The following TMEM123 variants were observed in gnomAD, a reference collection of about 807,000 sequenced individuals.
TMEM123 encodes the protein transmembrane protein 123, also known as porimin.
Under a neutral mutation model 19.7 loss-of-function variants are expected in TMEM123, and 16 were observed. That is an observed-to-expected ratio of 0.81 (90% CI 0.55 to 1.23). The LOEUF is 1.23. Ranked by LOEUF, TMEM123 falls within the 50% of genes most tolerant of loss-of-function variation. The pLI is 0.00. For synonymous variants in TMEM123, 118 were observed against 99.4 expected (o/e 1.19, Z -1.12); for missense variants, 313 against 257.8 (o/e 1.21, Z -1.47).
At chr11:102,422,856 T>C (rs1397361826) in intron 2 of TMEM123, among the ~76,000 whole-genome samples, 1 of 152,260 alleles carries the variant, frequency 6.6e-6, no homozygotes, top group Non-Finnish European at 1.5e-5. Context: ...AGATGTTTTA[T>C]GTTTCCATGA....
At chr11:102,423,789 CAG>C (rs1355523855) in intron 2 of TMEM123, among the ~76,000 whole-genome samples, 4 of 152,098 alleles carry the variant, frequency 2.6e-5, no homozygotes, top group East Asian at 1.9e-4. Flanking sequence ...CACCAGCTAA[CAG>C]TGATTATTTC....
chr11:102,403,686 C>G (rs772532234), intron 2 of TMEM123, among the ~76,000 whole-genome samples: 1 of 152,130 alleles, frequency 6.6e-6, no homozygotes, highest in Non-Finnish European at 1.5e-5. Flanking sequence ...TCCAATGTGG[C>G]GGTCTTGGGA....
intron 1 of TMEM123, chr11:102,451,160 C>A: frequency 6.6e-6 from 1 of 152,168 alleles, no homozygotes; most frequent in East Asian, 1.9e-4. Context: ...CAAAAAAAAT[C>A]TGTGTTATCA....
intron 2 of TMEM123, among the ~76,000 whole-genome samples, chr11:102,443,110 G>C (rs970355182): frequency 2.0e-5 from 3 of 151,968 alleles, no homozygotes; most frequent in Non-Finnish European, 2.9e-5. Flanking sequence ...TCGTGAAAAT[G>C]GCCATACTGC....
At chr11:102,452,454 C>T in intron 1 of TMEM123, 70 bp downstream of exon 1, 1 of 1,312,822 alleles carries the variant, frequency 7.6e-7, no homozygotes. Flanking sequence ...CAGAGCCCAA[C>T]TTGGGAACCC....
At chr11:102,418,146 C>T (rs1437701465) in intron 2 of TMEM123, among the ~76,000 whole-genome samples, 2 of 151,328 alleles carry the variant, frequency 1.3e-5, no homozygotes, top group Non-Finnish European at 2.9e-5. Context: ...GCTTTCATGA[C>T]AGAGACACCA....
intron 2 of TMEM123, among the ~76,000 whole-genome samples, chr11:102,411,174 G>A (rs1302606358): frequency 6.6e-6 from 1 of 152,122 alleles, no homozygotes; most frequent in East Asian, 1.9e-4. Context: ...CAGGTGATTA[G>A]CGGGTTGGAA....
At chr11:102,432,819 C>T (rs1857726291) in intron 2 of TMEM123, among the ~76,000 whole-genome samples, 1 of 152,250 alleles carries the variant, frequency 6.6e-6, no homozygotes, top group African/African-American at 2.4e-5. Flanking sequence ...TGCCCTGCGT[C>T]TCAGCTGCTT....
intron 2 of TMEM123, among the ~76,000 whole-genome samples, chr11:102,404,642 G>A (rs1349753002): frequency 6.6e-6 from 1 of 152,038 alleles, no homozygotes; most frequent in Middle Eastern, 3.2e-3. Context: ...CTGTCCCCCA[G>A]GCTGGAGGGC....
intron 2 of TMEM123, among the ~76,000 whole-genome samples, chr11:102,405,623 T>G (rs909259221): frequency 6.6e-6 from 1 of 152,166 alleles, no homozygotes; most frequent in African/African-American, 2.4e-5. Context: ...ATCTTTAGAA[T>G]AGAATGATCC....
chr11:102,410,561 C>CT (rs1219850243), intron 2 of TMEM123, among the ~76,000 whole-genome samples: 2 of 151,374 alleles, frequency 1.3e-5, no homozygotes, highest in African/African-American at 2.4e-5. Flanking sequence ...TCAGGCTAGA[C>CT]TGATATTTTC....
At chr11:102,430,747 T>C (rs1297097771) in intron 2 of TMEM123, among the ~76,000 whole-genome samples, 1 of 152,216 alleles carries the variant, frequency 6.6e-6, no homozygotes, top group East Asian at 1.9e-4. Context: ...ATGAGATGGC[T>C]ATACTCTCTT....
intron 2 of TMEM123, among the ~76,000 whole-genome samples, chr11:102,444,649 T>G (rs1415755749): frequency 6.6e-6 from 1 of 152,034 alleles, no homozygotes; most frequent in African/African-American, 2.4e-5. Context: ...GTAACAAACC[T>G]GCACATTGTG....
intron 2 of TMEM123, among the ~76,000 whole-genome samples, chr11:102,424,356 T>C (rs1471893544): frequency 1.3e-5 from 2 of 152,210 alleles, no homozygotes; most frequent in Non-Finnish European, 2.9e-5. Context: ...CCATATACTT[T>C]ATAGAAGTAC....
intron 2 of TMEM123, among the ~76,000 whole-genome samples, chr11:102,429,180 C>G (rs912323651): frequency 1.3e-5 from 2 of 151,948 alleles, no homozygotes; most frequent in African/African-American, 4.8e-5. Flanking sequence ...AGATCTAGTT[C>G]AGTTTTCTTC....
chr11:102,403,022 G>GT (rs972289025), intron 2 of TMEM123, among the ~76,000 whole-genome samples: 2 of 151,860 alleles, frequency 1.3e-5, no homozygotes, highest in African/African-American at 2.4e-5. Flanking sequence ...CTTCTTTTTT[G>GT]TTTTTTGAGA....
chr11:102,405,499 T>G lies in TMEM123; in HGVS notation c.158-3293A>C, dbSNP rs112296572. On this transcript the variant is annotated intron_variant, in intron 2 of 4. Transcript: ENST00000398136. ...TTCTTATTCAAGTCTGAATGTTCTA[T>G]AGAGATATAAGTAATAGAATTTAAC... Among the ~76,000 whole-genome samples the G allele has an allele frequency of 9.3e-4, 142 of 152,352 alleles. 1 individual carries two copies. Among genetic ancestry groups the G allele is most frequent in the African/African-American group, 3.3e-3 (137 of 41,584 alleles).
chr11:102,427,335 C>A (rs779055845), intron 2 of TMEM123, among the ~76,000 whole-genome samples: 89 of 151,842 alleles, frequency 5.9e-4, no homozygotes, highest in South Asian at 2.1e-4. Context: ...AAAAGAGGAC[C>A]CAGGTCTCTG....
chr11:102,438,413 G>A (rs994467577), intron 2 of TMEM123, among the ~76,000 whole-genome samples: 13 of 151,994 alleles, frequency 8.6e-5, no homozygotes, highest in African/African-American at 1.2e-4. Context: ...TATAGTCTAC[G>A]TCTCTCCACC....
Sources: allele counts gnomAD v4.1 joint callset (sites outside exome capture counted in the v4.1 genomes callset), GRCh38; gene constraint gnomAD v4.1.1; transcripts MANE v1.5; gene names NCBI Gene and HGNC (gene_info 2026-07-23, HGNC 2026-07-21).